USP15: variants seen among roughly 807,000 people sequenced by gnomAD.
USP15 encodes ubiquitin carboxyl-terminal hydrolase 15.
Under a neutral mutation model 127.1 loss-of-function variants are expected in USP15, and 18 were observed. The observed-to-expected ratio is 0.14, with a 90% CI of 0.10 to 0.21. The LOEUF is 0.21. USP15 is among the 10% of genes least tolerant of loss of function. USP15 has a pLI of 1.00. For synonymous variants in USP15, 364 were observed against 393.7 expected (o/e 0.92, Z 0.89); for missense variants, 805 against 1,159.9 (o/e 0.69, Z 4.44).
chr12:62,272,022 A>G (rs1016102981), intron 1 of USP15, among the ~76,000 whole-genome samples: 9 of 151,810 alleles, frequency 5.9e-5, no homozygotes, highest in Non-Finnish European at 1.5e-5. Flanking sequence ...TACTGAAACC[A>G]TGAAATTCTG....
chr12:62,339,517 C>A (rs1376270539), intron 6 of USP15, among the ~76,000 whole-genome samples: 1 of 152,022 alleles, frequency 6.6e-6, no homozygotes, highest in Non-Finnish European at 1.5e-5. Context: ...ATGATATTGG[C>A]TATGGGTCTG....
At chr12:62,329,847 T>C (rs2065236677) in intron 6 of USP15, among the ~76,000 whole-genome samples, 1 of 152,192 alleles carries the variant, frequency 6.6e-6, no homozygotes. Context: ...AAACTAATAT[T>C]GTCATTCTGT....
chr12:62,393,808 C>A (rs1565912792), intron 19 of USP15: 1 of 152,336 alleles, frequency 6.6e-6, no homozygotes, highest in Admixed American at 6.5e-5. Flanking sequence ...TCTCGAACTC[C>A]TGACCTCAAG....
intron 8 of USP15, among the ~76,000 whole-genome samples, chr12:62,355,831 T>C (rs1201510316): frequency 6.7e-6 from 1 of 149,934 alleles, no homozygotes; most frequent in Non-Finnish European, 1.5e-5. Flanking sequence ...TTTTCTTTTT[T>C]TTTTTTTTTT....
In USP15 at chr12:62,389,458, A is replaced by C. The variant is rs771824598; in HGVS notation, c.1501A>C (p.Asn501His). Residue 501 changes from asparagine (N) to histidine (H), a missense_variant, in exon 12 of 22, where the codon AAC (asparagine) becomes CAC (histidine). Transcript: ENST00000280377. ...QYKVVVPKIG[N>H]ILDLCTALSA... ...CAAAGTGGTTGTCCCCAAAATTGGA[A>C]ACATATTAGATCTTTGTACAGCATT... is the stretch of plus-strand genomic sequence containing the variant. 6.2e-6 allele frequency: 10 copies of C among 1,612,364 alleles called. No homozygotes were observed. The highest frequency in any genetic ancestry group is 8.5e-6 in the Non-Finnish European group (10 of 1,179,714).
chr12:62,266,338 G>A (rs1223704594), intron 1 of USP15, among the ~76,000 whole-genome samples: 1 of 152,010 alleles, frequency 6.6e-6, no homozygotes, highest in Non-Finnish European at 1.5e-5. Flanking sequence ...AAATACATAC[G>A]GCTTTCTTCT....
At chr12:62,366,047 G>T (rs1435661510) in intron 8 of USP15, among the ~76,000 whole-genome samples, 1 of 152,162 alleles carries the variant, frequency 6.6e-6, no homozygotes, top group African/African-American at 2.4e-5. Flanking sequence ...CTCTTTTCTG[G>T]TTCCATATGA....
At chr12:62,339,430 G>A (rs1419339420) in intron 6 of USP15, among the ~76,000 whole-genome samples, 1 of 152,064 alleles carries the variant, frequency 6.6e-6, no homozygotes, top group Non-Finnish European at 1.5e-5. Context: ...GTACTTTGTT[G>A]AATAGGAGTG....
At chr12:62,329,371 A>AAAAT (rs564543435) in intron 6 of USP15, among the ~76,000 whole-genome samples, 2 of 152,298 alleles carry the variant, frequency 1.3e-5, no homozygotes, top group East Asian at 1.9e-4. Context: ...ACTCTATCTG[A>AAAAT]AAATAAATAA....
intron 1 of USP15, chr12:62,274,354 T>C (rs1028987319): frequency 2.7e-5 from 4 of 150,588 alleles, no homozygotes; most frequent in African/African-American, 9.8e-5. Flanking sequence ...ATTTTAATAT[T>C]AGGCAATTAA....
At chr12:62,291,735 T>C (rs2063975646) in intron 1 of USP15, among the ~76,000 whole-genome samples, 1 of 152,174 alleles carries the variant, frequency 6.6e-6, no homozygotes, top group Non-Finnish European at 1.5e-5. Flanking sequence ...TGCTTCTGGG[T>C]GCTTTTAGTG....
chr12:62,390,828 AG>A, intron 14 of USP15, 35 bp from the exon 15 acceptor site: 1 of 1,466,422 alleles, frequency 6.8e-7, no homozygotes, highest in South Asian at 1.2e-5. Context: ...TTATCTTTGT[AG>A]TACTGAACTT....
rs758968907 is a variant in USP15, at chr12:62,355,470, A to G, written c.910A>G (p.Ile304Val). The change falls in exon 8 of 22, where the codon ATT becomes GTT. Residue 304 changes from isoleucine to valine, a missense_variant. Physicochemically the swap from Ile to Val is conservative, Grantham distance 29 (BLOSUM62 3). This residue lies in a region of USP15 where 84 missense variants were observed against 107.7 expected (regional missense o/e 0.78). Transcript: ENST00000280377. ...AAATACGTGTTTCATGAACTCAGCT[A>G]TTCAGGTAGGTCTTTGTAAACAAAA... ...LGNTCFMNSA[I>V]QCLSNTPPLT... is the part of the protein sequence containing the mutation. The G allele has an allele frequency of 1.1e-5, 18 of 1,596,366 alleles. No individual in the cohort carries two copies. The highest frequency in any genetic ancestry group is 5.7e-5 in the South Asian group (5 of 88,278).
chr12:62,392,171 A>C (rs553707158), intron 17 of USP15, 101 bp from the exon 18 acceptor site: 1 of 824,246 alleles, frequency 1.2e-6, no homozygotes, highest in Non-Finnish European at 1.9e-6. Flanking sequence ...GATTCTTTTG[A>C]GAAAGTTTAG....
intron 1 of USP15, among the ~76,000 whole-genome samples, chr12:62,273,289 T>C (rs1024467744): frequency 2.6e-5 from 4 of 152,076 alleles, no homozygotes; most frequent in African/African-American, 7.2e-5. Flanking sequence ...CTTTCATAGC[T>C]CCCTGTACGT....
intron 5 of USP15, among the ~76,000 whole-genome samples, chr12:62,322,984 A>G (rs147066491): frequency 6.6e-6 from 1 of 152,306 alleles, no homozygotes. Flanking sequence ...AGTCCTTTTA[A>G]CCATCCATAT....
chr12:62,342,832 T>G (rs753547226), intron 6 of USP15, among the ~76,000 whole-genome samples: 8 of 152,172 alleles, frequency 5.3e-5, no homozygotes, highest in Non-Finnish European at 8.8e-5. Flanking sequence ...ATGAGGTGTC[T>G]GTCAACCCCT....
intron 6 of USP15, among the ~76,000 whole-genome samples, chr12:62,332,821 A>G (rs1454636973): frequency 7.8e-6 from 1 of 128,780 alleles, no homozygotes; most frequent in African/African-American, 2.6e-5. Context: ...GGGAATTCCA[A>G]ATTGATGACT....
intron 6 of USP15, chr12:62,335,045 C>T: frequency 1.2e-6 from 1 of 855,764 alleles, no homozygotes; most frequent in Non-Finnish European, 1.8e-6. Context: ...CTTTTTCTGT[C>T]TGAGGGCACG....
Sources: gnomAD v4.1 joint callset for allele counts (sites outside exome capture counted in the v4.1 genomes callset) on GRCh38, gnomAD v4.1.1 for gene constraint, gnomAD v4.1.1 regional missense constraint, MANE v1.5 for transcripts, NCBI Gene and HGNC (gene_info 2026-07-23, HGNC 2026-07-21) for gene names.